FOXK2: variants seen among roughly 807,000 people sequenced by gnomAD.
The protein encoded by FOXK2 is forkhead box protein K2.
Under a neutral mutation model 53.3 loss-of-function variants are expected in FOXK2, and 24 were observed. The ratio of observed to expected loss-of-function variants is 0.45; its 90% CI spans 0.33 to 0.63. FOXK2 has a LOEUF of 0.63. FOXK2 is among the 30% of genes least tolerant of loss of function. FOXK2 has a pLI of 0.03. For synonymous variants in FOXK2, 505 were observed against 407.1 expected, an observed-to-expected ratio of 1.24 and a Z score of -2.89; for missense variants, 952 against 910.5, an observed-to-expected ratio of 1.05 and a Z score of -0.59.
intron 1 of FOXK2, among the ~76,000 whole-genome samples, chr17:82,552,601 G>A (rs558088244): frequency 1.3e-5 from 2 of 152,290 alleles, no homozygotes; most frequent in South Asian, 4.1e-4. Context: ...TTCGTCGAAC[G>A]TCCCTCAGTT....
chr17:82,578,626 G>C (rs1473475720), intron 4 of FOXK2: 1 of 152,114 alleles, frequency 6.6e-6, no homozygotes, highest in Non-Finnish European at 1.5e-5. Flanking sequence ...ATATTTTCTG[G>C]AGTCTTGTTG....
chr17:82,558,637 G>T (rs988582163), intron 1 of FOXK2, among the ~76,000 whole-genome samples: 1 of 152,246 alleles, frequency 6.6e-6, no homozygotes, highest in South Asian at 2.1e-4. Context: ...GAGGACCGGC[G>T]GGGAGTCTGT....
chr17:82,601,236 C>T (rs1267939231), intron 8 of FOXK2, 67 bp from the exon 9 acceptor site: 33 of 1,515,996 alleles, frequency 2.2e-5, no homozygotes, highest in South Asian at 1.2e-4. Context: ...CACGTGAGAG[C>T]GTGGGGTTCT....
In FOXK2 at chr17:82,585,835, T is replaced by C; in HGVS notation, c.1280-69T>C. Reference sequence around the variant, plus strand: ...AAGTTTGTATGTTGCTTGTCAGTGCTGAGTGTGAGAACCTTTGTTTGTAGA... The same window carrying C: ...AAGTTTGTATGTTGCTTGTCAGTGCCGAGTGTGAGAACCTTTGTTTGTAGA... On this transcript the variant is annotated intron_variant, in intron 6 of 8. Coordinates refer to ENST00000335255, the MANE Select transcript of FOXK2 (RefSeq NM_004514.4). 3.3e-6 allele frequency: 5 copies of C among 1,501,010 alleles called. No homozygotes were observed. The South Asian group carries it at 4.9e-5, about 15-fold the overall frequency. The allele number at this position is 1,501,010 out of a possible 1,614,324, so 93.0% of individuals were successfully genotyped here.
chr17:82,576,705 T>C, intron 4 of FOXK2: 1 of 1,046,126 alleles, frequency 9.6e-7, no homozygotes, highest in Non-Finnish European at 1.4e-6. Context: ...TCCTCGGCCT[T>C]CTTTTTCTGC....
intron 1 of FOXK2, among the ~76,000 whole-genome samples, chr17:82,545,525 T>C (rs1430973137): frequency 6.6e-6 from 1 of 152,136 alleles, no homozygotes; most frequent in Non-Finnish European, 1.5e-5. Flanking sequence ...GGGGCTATTA[T>C]GAATAATGCT....
At chr17:82,594,994 C>T (rs1384189968) in intron 8 of FOXK2, among the ~76,000 whole-genome samples, 2 of 152,134 alleles carry the variant, frequency 1.3e-5, no homozygotes, top group South Asian at 2.1e-4. Flanking sequence ...GAACCGTGAT[C>T]GCCCCACTGC....
chr17:82,601,229 G>T (rs988459376), intron 8 of FOXK2, 74 bp from the exon 9 acceptor site: 26 of 1,486,078 alleles, frequency 1.7e-5, no homozygotes, highest in East Asian at 1.4e-4. Context: ...GAGGGTTCAC[G>T]TGAGAGCGTG....
intron 1 of FOXK2, among the ~76,000 whole-genome samples, chr17:82,523,726 C>T (rs1034482814): frequency 7.9e-5 from 12 of 151,984 alleles, no homozygotes; most frequent in Admixed American, 6.6e-4. Flanking sequence ...ATCTGCTCAC[C>T]TCCGCCTCCC....
chr17:82,580,919 C>G (rs564480955), intron 4 of FOXK2, among the ~76,000 whole-genome samples: 8 of 151,934 alleles, frequency 5.3e-5, no homozygotes, highest in Non-Finnish European at 1.0e-4. Flanking sequence ...CATGGCCTAG[C>G]CCTCCTCTCC....
rs569524409 is a variant in FOXK2, at chr17:82,554,930, A to G, written c.420-8424A>G. On this transcript the variant is annotated intron_variant, in intron 1 of 8. Coordinates refer to ENST00000335255, the MANE Select transcript of FOXK2 (RefSeq NM_004514.4). ...CCGACTAATTTTTTTTTTGTTTTTAATAGTGGCAGCGTTTCACCATATTGG... is the reference window on the plus strand; with the variant it reads ...CCGACTAATTTTTTTTTTGTTTTTAGTAGTGGCAGCGTTTCACCATATTGG... Among the ~76,000 whole-genome samples, 11 of 151,670 alleles carry G rather than the reference A, an allele frequency of 7.3e-5. No individual in the cohort carries two copies. In the South Asian group the frequency reaches 2.1e-3, roughly 29 times the overall value.
At chr17:82,538,906 A>G (rs1026980450) in intron 1 of FOXK2, among the ~76,000 whole-genome samples, 9 of 152,192 alleles carry the variant, frequency 5.9e-5, no homozygotes, top group African/African-American at 1.9e-4. Flanking sequence ...CAGTTAGAAG[A>G]GTATTGATGA....
At chr17:82,557,379 T>C (rs2044740435) in intron 1 of FOXK2, among the ~76,000 whole-genome samples, 1 of 151,904 alleles carries the variant, frequency 6.6e-6, no homozygotes, top group South Asian at 2.1e-4. Flanking sequence ...AATCTCACAC[T>C]GTCACCCAGG....
In FOXK2 at chr17:82,549,578, A is replaced by C. The variant is rs551083543; in HGVS notation, c.420-13776A>C. 6.6e-5 allele frequency among the ~76,000 whole-genome samples: 10 copies of C among 151,924 alleles called. No homozygotes were observed. In the South Asian group the frequency reaches 1.9e-3, roughly 28 times the overall value. On this transcript the variant is annotated intron_variant, in intron 1 of 8. Transcript: ENST00000335255. ...CAGCAAATGGGAGATGGGGGGCAAAACCCCCCAAATTACTCTCCTTATTAC... is the reference window on the plus strand; with the variant it reads ...CAGCAAATGGGAGATGGGGGGCAAACCCCCCCAAATTACTCTCCTTATTAC...
At chr17:82,590,706 CCTA>C (rs1028527708) in intron 8 of FOXK2, among the ~76,000 whole-genome samples, 21 of 152,084 alleles carry the variant, frequency 1.4e-4, no homozygotes, top group Admixed American at 1.4e-3. Context: ...TTTTTGGGTT[CCTA>C]CTATATTAAG....
chr17:82,587,005 C>A, intron 7 of FOXK2, 58 bp from the exon 8 acceptor site: 5 of 1,542,368 alleles, frequency 3.2e-6, no homozygotes, highest in Non-Finnish European at 4.5e-6. Context: ...TTTAAACTGG[C>A]AAGATTTTTA....
At chr17:82,586,773 T>C (rs945920137) in intron 7 of FOXK2, among the ~76,000 whole-genome samples, 43 of 152,108 alleles carry the variant, frequency 2.8e-4, no homozygotes, top group Non-Finnish European at 3.1e-4. Flanking sequence ...TGGTGGCGGG[T>C]GCCTGTAATC....
At chr17:82,581,230 A>G (rs902362902) in intron 4 of FOXK2, among the ~76,000 whole-genome samples, 4 of 152,360 alleles carry the variant, frequency 2.6e-5, no homozygotes, top group African/African-American at 7.2e-5. Flanking sequence ...CTATGAACCC[A>G]TGACGTTCGT....
chr17:82,574,257 TA>T (rs1354822433), intron 4 of FOXK2, among the ~76,000 whole-genome samples: 4 of 152,004 alleles, frequency 2.6e-5, no homozygotes, highest in Admixed American at 2.0e-4. Flanking sequence ...TGGCTCCAGC[TA>T]ATTAAGCGGG....
Sources: allele counts gnomAD v4.1 joint callset (sites outside exome capture counted in the v4.1 genomes callset), GRCh38; gene constraint gnomAD v4.1.1; transcripts MANE v1.5; gene names NCBI Gene and HGNC (gene_info 2026-07-23, HGNC 2026-07-21).